The following CCNL2 variants were observed in gnomAD, a reference collection of about 807,000 sequenced individuals.
CCNL2 encodes cyclin-L2.
CCNL2 carries 28 observed loss-of-function variants against 59.1 expected under a neutral mutation model. The observed-to-expected ratio is 0.47, with a 90% CI of 0.35 to 0.65. CCNL2 has a LOEUF of 0.65. CCNL2 is among the 30% of genes least tolerant of loss of function. CCNL2 has a pLI of 0.00. For synonymous variants in CCNL2, 342 were observed against 288.6 expected (o/e 1.19, Z -1.88); for missense variants, 714 against 717.4 (o/e 1.00, Z 0.05).
chr1:1,391,118 G>A, intron 5 of CCNL2: 1 of 1,252,186 alleles, frequency 8.0e-7, no homozygotes, highest in South Asian at 2.4e-5. Flanking sequence ...CTGAATGTCA[G>A]ACAATACGTG....
At chr1:1,387,655 C>G in intron 10 of CCNL2, 73 bp from the exon 11 acceptor site, 2 of 1,396,356 alleles carry the variant, frequency 1.4e-6, no homozygotes, top group Non-Finnish European at 1.9e-6. Flanking sequence ...CACAGGAGCT[C>G]AGACAAGACA....
chr1:1,398,919 G>C lies in CCNL2; in HGVS notation c.288+100C>G, dbSNP rs1474225882. ...TGGGGTCGGGGCAGGGGCTGGGGTC[G>C]GGGTCTAGGCGGGGGCGGTGCGGGC... is the stretch of plus-strand genomic sequence containing the variant. On this transcript the variant is annotated intron_variant, in intron 1 of 10. Coordinates refer to ENST00000400809, the MANE Select transcript of CCNL2 (RefSeq NM_030937.6). 47 of 1,449,222 alleles carry C rather than the reference G, an allele frequency of 3.2e-5. No homozygotes were observed. In the Middle Eastern group the frequency reaches 7.6e-4, roughly 23 times the overall value. 89.8% of individuals were successfully genotyped at this position (1,449,222 alleles called of 1,614,324 possible).
intron 4 of CCNL2, 79 bp from the exon 5 acceptor site, chr1:1,393,539 A>C: frequency 8.0e-7 from 1 of 1,246,012 alleles, no homozygotes; most frequent in South Asian, 1.2e-5. Context: ...TCCATGCAGC[A>C]AACAAGAGCC....
In CCNL2 at chr1:1,390,468, A is replaced by C. The variant is rs1644706039; in HGVS notation, c.855T>G (p.Ala285=). 1 of 1,613,204 alleles carries C rather than the reference A, an allele frequency of 6.2e-7. No individual in the cohort carries two copies. The highest frequency in any genetic ancestry group is 8.5e-7 in the Non-Finnish European group (1 of 1,179,708). Reference sequence around the variant, plus strand: ...AAAAATGCCGAAGAACCTTTTTCCGAGCATAAAGCTGCAAGATCTTTAAGC... The same window carrying C: ...AAAAATGCCGAAGAACCTTTTTCCGCGCATAAAGCTGCAAGATCTTTAAGC... ...EICLKILQLY[A]RKKVDLTHLE... The change falls in exon 7 of 11, where the codon GCT becomes GCG. Residue 285 remains alanine (A), a synonymous_variant. Coordinates refer to ENST00000400809, the MANE Select transcript of CCNL2 (RefSeq NM_030937.6).
chr1:1,387,965 G>A lies in CCNL2; in HGVS notation c.1107C>T (p.Ser369=), dbSNP rs763856887. 2 of 1,614,020 alleles carry A rather than the reference G, an allele frequency of 1.2e-6. No individual in the cohort carries two copies. Among genetic ancestry groups the A allele is most frequent in the Admixed American group, 3.3e-5 (2 of 60,036 alleles). ...LEGAKKAKAD[S]PVNGLPKGRE... ...CCCTGGGGTCCTACCCGTTCACGGGGCTGTCCGCCTTGGCTTTCTTGGCGC... is the reference window on the plus strand; with the variant it reads ...CCCTGGGGTCCTACCCGTTCACGGGACTGTCCGCCTTGGCTTTCTTGGCGC... Residue 369 remains serine, a synonymous_variant, in exon 9 of 11, where the codon AGC becomes AGT. Coordinates refer to ENST00000400809, the MANE Select transcript of CCNL2 (RefSeq NM_030937.6).
At chr1:1,398,840 G>A in intron 1 of CCNL2, 169 bp from the exon 2 acceptor site, 2 of 1,312,436 alleles carry the variant, frequency 1.5e-6, no homozygotes, top group Non-Finnish European at 2.1e-6. Context: ...CGCACTGGCG[G>A]GCGGGGAGGC....
At position 1,398,292 on chromosome 1, in the gene CCNL2, T is replaced by A; in HGVS notation, c.414A>T (p.Pro138=). 1 of 1,614,222 alleles carries A rather than the reference T, an allele frequency of 6.2e-7. No individual in the cohort carries two copies. The highest frequency in any genetic ancestry group is 8.5e-7 in the Non-Finnish European group (1 of 1,180,034). ...CATTGATGACGTCCCGTATGCGTCT[T>A]GGGGCCTCTTCTATCTTGGAAGCCA... ...VHLASKIEEA[P]RRIRDVINVF... The change falls in exon 3 of 11, where the codon CCA becomes CCT. Residue 138 remains proline, a synonymous_variant. Coordinates refer to ENST00000400809, the MANE Select transcript of CCNL2 (RefSeq NM_030937.6).
rs779163870 is a variant in CCNL2, at chr1:1,387,493, C to T, written c.1301G>A (p.Arg434His). The change falls in exon 11 of 11, where the codon CGC becomes CAC. Residue 434 changes from arginine (R) to histidine (H), a missense_variant. By Grantham distance (29) the Arg-to-His change is conservative. This residue lies in a region of CCNL2 where 403 missense variants were observed against 377.7 expected (regional missense o/e 1.07). Coordinates refer to ENST00000400809, the MANE Select transcript of CCNL2 (RefSeq NM_030937.6). ...RSDSPPRQAP[R>H]SAPYKGSEIR... ...CTCAGAGCCTTTGTAGGGAGCGCTG[C>T]GGGGGGCCTGTCTCGGTGGGGAGTC... is the stretch of plus-strand genomic sequence containing the variant. The T allele has an allele frequency of 1.0e-5, 16 of 1,593,114 alleles. No homozygotes were observed. Among genetic ancestry groups the T allele is most frequent in the East Asian group, 2.2e-5 (1 of 44,596 alleles).
rs760219333 is a variant in CCNL2, at chr1:1,399,092, T to C, written c.215A>G (p.Asp72Gly). 2 of 1,611,690 alleles carry C rather than the reference T, an allele frequency of 1.2e-6. No homozygotes were observed. Among genetic ancestry groups the C allele is most frequent in the Non-Finnish European group, 1.7e-6 (2 of 1,179,404 alleles). The change falls in exon 1 of 11, where the codon GAC becomes GGC. Residue 72 changes from aspartate to glycine, a missense_variant. Coordinates refer to ENST00000400809, the MANE Select transcript of CCNL2 (RefSeq NM_030937.6). ...CACCACGCGGAGGTCGGTCTCTGTG[T>C]CGGTGTCGAGGCCGCTCGACATGGA... ...TPSMSSGLDT[D>G]TETDLRVVGC...
chr1:1,395,551 A>G (rs769325536), intron 3 of CCNL2, 37 bp from the exon 4 acceptor site: 27 of 1,612,074 alleles, frequency 1.7e-5, no homozygotes, highest in East Asian at 1.3e-4. Flanking sequence ...CACCACAGTC[A>G]AGCAGAGCAA....
intron 5 of CCNL2, chr1:1,392,650 A>G: frequency 2.7e-6 from 4 of 1,490,052 alleles, no homozygotes; most frequent in Non-Finnish European, 3.6e-6. Context: ...CCACAGCAGG[A>G]GTCGGCCATG....
chr1:1,391,493 C>T (rs990948659), intron 5 of CCNL2: 11 of 1,293,038 alleles, frequency 8.5e-6, no homozygotes, highest in African/African-American at 4.6e-5. Context: ...GAGCATCGTG[C>T]GGAGGGAGAC....
rs892378572 is a variant in CCNL2, at chr1:1,393,341, A to G, written c.659+55T>C. On this transcript the variant is annotated intron_variant, in intron 5 of 10. Coordinates refer to ENST00000400809, the MANE Select transcript of CCNL2 (RefSeq NM_030937.6). ...ACCCACTGCCCAAGTGCCTCAAGTC[A>G]ACACATTCCTGCACTGCCCTTGCTG... The G allele has an allele frequency of 5.3e-6, 8 of 1,506,836 alleles. No individual in the cohort carries two copies. The African/African-American group carries it at 9.6e-5, about 18-fold the overall frequency. The allele number at this position is 1,506,836 out of a possible 1,614,324, so 93.3% of individuals were successfully genotyped here. A position where few individuals can be genotyped will look rare whatever the true frequency, so the allele number is the denominator to read the frequency against.
intron 8 of CCNL2, 58 bp from the exon 9 acceptor site, chr1:1,388,123 A>G: frequency 7.1e-7 from 1 of 1,402,646 alleles, no homozygotes; most frequent in Non-Finnish European, 1.0e-6. Context: ...AATAAGAAAC[A>G]AGTTCGTAGA....
intron 5 of CCNL2, chr1:1,392,921 A>T (rs1569949152): frequency 2.0e-6 from 2 of 1,023,742 alleles, no homozygotes; most frequent in East Asian, 5.1e-5. Flanking sequence ...CTCCATGGGA[A>T]AAAATTCACC....
intron 4 of CCNL2, 175 bp downstream of exon 4, chr1:1,395,219 A>G (rs562678943): frequency 1.0e-4 from 59 of 578,486 alleles, no homozygotes; most frequent in Non-Finnish European, 1.6e-4. Context: ...AACAGCTGAC[A>G]CTAGAAGACG....
At chr1:1,398,105 G>T in intron 3 of CCNL2, 128 bp downstream of exon 3, 1 of 847,176 alleles carries the variant, frequency 1.2e-6, no homozygotes, top group Non-Finnish European at 1.8e-6. Flanking sequence ...GCTTGAGACT[G>T]CGCTCATGAA....
intron 8 of CCNL2, 63 bp downstream of exon 8, chr1:1,390,167 C>T (rs905220040): frequency 1.0e-5 from 15 of 1,450,762 alleles, no homozygotes; most frequent in African/African-American, 2.9e-5. Flanking sequence ...AGAATGGAGG[C>T]GGGGGAGAGT....
intron 5 of CCNL2, chr1:1,392,195 A>T: frequency 4.1e-6 from 2 of 487,166 alleles, no homozygotes; most frequent in Non-Finnish European, 5.3e-6. Context: ...AACAATCAGT[A>T]ACCTTTCGGT....
Sources: gnomAD v4.1 joint callset for allele counts on GRCh38, gnomAD v4.1.1 for gene constraint, gnomAD v4.1.1 regional missense constraint, MANE v1.5 for transcripts, NCBI Gene and HGNC (gene_info 2026-07-23, HGNC 2026-07-21) for gene names.